INTS9: variants seen among roughly 807,000 people sequenced by gnomAD.
The protein encoded by INTS9 is protein related to CPSF subunits of 74 kDa.
Under a neutral mutation model 79.7 loss-of-function variants are expected in INTS9, and 55 were observed. That is an observed-to-expected ratio of 0.69 (90% confidence interval 0.56 to 0.86). INTS9 has a LOEUF of 0.86. Ranked by LOEUF, INTS9 falls within the 40% of genes least tolerant of loss-of-function variation. INTS9 has a pLI of 0.00. For synonymous variants in INTS9, 319 were observed against 325.2 expected (o/e 0.98, Z 0.20); for missense variants, 721 against 831.5 (o/e 0.87, Z 1.64).
At chr8:28,768,435 C>T in intron 16 of INTS9, 113 bp from the exon 17 acceptor site, 3 of 970,292 alleles carry the variant, frequency 3.1e-6, no homozygotes, top group Non-Finnish European at 4.9e-6. Context: ...CGTCTCAACA[C>T]AATTCTTCAG....
intron 1 of INTS9, among the ~76,000 whole-genome samples, chr8:28,881,317 C>G (rs1429849758): frequency 7.8e-6 from 1 of 128,398 alleles, no homozygotes; most frequent in Non-Finnish European, 1.7e-5. Flanking sequence ...ATCAGCCCCC[C>G]GCCTGGCCAG....
intron 10 of INTS9, 104 bp from the exon 11 acceptor site, chr8:28,787,993 A>T: frequency 1.6e-6 from 1 of 619,670 alleles, no homozygotes; most frequent in Non-Finnish European, 2.7e-6. Flanking sequence ...AAGTTTATTT[A>T]AAAATTTCCC....
At chr8:28,840,719 A>C in intron 4 of INTS9, among the ~76,000 whole-genome samples, 2 of 144,808 alleles carry the variant, frequency 1.4e-5, no homozygotes, top group African/African-American at 2.6e-5. Flanking sequence ...GCATATTCTC[A>C]CTCATAGGTG....
chr8:28,871,453 G>A (rs1438937681), intron 1 of INTS9, among the ~76,000 whole-genome samples: 1 of 152,140 alleles, frequency 6.6e-6, no homozygotes, highest in Non-Finnish European at 1.5e-5. Flanking sequence ...TGCCCAGGCT[G>A]CAGTGCAGTG....
chr8:28,794,040 TATAAAG>T (rs11280356), intron 9 of INTS9, 53 bp from the exon 10 acceptor site: 230,483 of 1,343,244 alleles, frequency 0.17, 23,333 homozygotes, highest in East Asian at 0.47. Flanking sequence ...AGGGCAGTGT[TATAAAG>T]ATAAACTTGT....
At chr8:28,881,977 G>A (rs1490227434) in intron 1 of INTS9, among the ~76,000 whole-genome samples, 71 of 143,942 alleles carry the variant, frequency 4.9e-4, no homozygotes, top group Middle Eastern at 3.6e-3. Context: ...ATTGGGGATG[G>A]GCCATGATGA....
chr8:28,878,858 T>C (rs182328012), intron 1 of INTS9, among the ~76,000 whole-genome samples: 4 of 151,758 alleles, frequency 2.6e-5, no homozygotes, highest in Non-Finnish European at 5.9e-5. Flanking sequence ...CAGGTACCTG[T>C]AGTACCAGCT....
intron 8 of INTS9, among the ~76,000 whole-genome samples, chr8:28,811,370 C>T (rs1306025490): frequency 5.9e-5 from 9 of 151,954 alleles, no homozygotes; most frequent in Non-Finnish European, 1.2e-4. Context: ...GTGATCCACT[C>T]GCCTTGGCTT....
At chr8:28,775,958 G>A (rs1802850533) in intron 13 of INTS9, 32 bp from the exon 14 acceptor site, 2 of 1,512,162 alleles carry the variant, frequency 1.3e-6, no homozygotes, top group Non-Finnish European at 1.8e-6. Context: ...TGAGAAAGGT[G>A]GTGTGAAGTA....
intron 8 of INTS9, among the ~76,000 whole-genome samples, chr8:28,800,869 G>C (rs890836247): frequency 6.6e-6 from 1 of 152,184 alleles, no homozygotes; most frequent in Non-Finnish European, 1.5e-5. Context: ...TCTGAGAGAA[G>C]GAAATATTCT....
At chr8:28,811,724 A>G (rs1021225578) in intron 8 of INTS9, among the ~76,000 whole-genome samples, 1 of 152,124 alleles carries the variant, frequency 6.6e-6, no homozygotes, top group Admixed American at 6.6e-5. Flanking sequence ...CCCAGCCGAC[A>G]TGGTTTATCT....
intron 6 of INTS9, among the ~76,000 whole-genome samples, chr8:28,819,405 T>C (rs1563273522): frequency 1.3e-5 from 2 of 152,346 alleles, no homozygotes; most frequent in African/African-American, 4.8e-5. Context: ...TTCATTTCAT[T>C]ATGTACCCAG....
At chr8:28,811,847 T>A (rs1478611050) in intron 8 of INTS9, among the ~76,000 whole-genome samples, 1 of 152,310 alleles carries the variant, frequency 6.6e-6, no homozygotes, top group African/African-American at 2.4e-5. Context: ...AGTACTTGTA[T>A]CTCAATCGGA....
At chr8:28,824,916 TA>T (rs1806059282) in intron 6 of INTS9, among the ~76,000 whole-genome samples, 2 of 152,230 alleles carry the variant, frequency 1.3e-5, no homozygotes, top group Non-Finnish European at 2.9e-5. Context: ...ATATATAATA[TA>T]ATGCATGTGA....
chr8:28,834,966 C>T (rs750431053), intron 6 of INTS9, among the ~76,000 whole-genome samples: 95 of 152,096 alleles, frequency 6.2e-4, no homozygotes, highest in Admixed American at 5.6e-3. Flanking sequence ...CGTGAGTCAC[C>T]GCGCCTAGCT....
In INTS9 at chr8:28,780,849, G is replaced by C; in HGVS notation, c.1244C>G (p.Ser415Cys). Residue 415 changes from serine to cysteine, a missense_variant, in exon 12 of 17, where the codon TCT becomes TGT. This residue lies in a region of INTS9 where 149 missense variants were observed against 223.7 expected (regional missense o/e 0.67). Transcript: ENST00000521022. Reference sequence around the variant, plus strand: ...CGTGAATATGACGGTATTGAGACTAGATTTTCCCCAGAGCTCCATGAAGTG... The same window carrying C: ...CGTGAATATGACGGTATTGAGACTACATTTTCCCCAGAGCTCCATGAAGTG... The part of the protein sequence containing the change: ...VVHFMELWGK[S>C]SLNTVIFTEP... 6.2e-7 allele frequency: 1 copy of C among 1,614,116 alleles called. No individual in the cohort carries two copies. Among genetic ancestry groups the C allele is most frequent in the Non-Finnish European group, 8.5e-7 (1 of 1,180,018 alleles).
chr8:28,888,716 C>T (rs375969607), intron 1 of INTS9, among the ~76,000 whole-genome samples: 3 of 152,144 alleles, frequency 2.0e-5, no homozygotes, highest in East Asian at 3.8e-4. Context: ...GCATCCTTCC[C>T]CTTATATAAA....
At chr8:28,847,690 C>G (rs1807605932) in intron 3 of INTS9, among the ~76,000 whole-genome samples, 1 of 152,210 alleles carries the variant, frequency 6.6e-6, no homozygotes, top group African/African-American at 2.4e-5. Flanking sequence ...ATAAACCTGT[C>G]TTTCCCCCAC....
At chr8:28,842,494 G>A (rs1450424340) in intron 4 of INTS9, among the ~76,000 whole-genome samples, 2 of 152,190 alleles carry the variant, frequency 1.3e-5, no homozygotes, top group East Asian at 3.8e-4. Flanking sequence ...CTGCCAGACT[G>A]TCTAATGTCA....
Sources: allele counts gnomAD v4.1 joint callset (sites outside exome capture counted in the v4.1 genomes callset), GRCh38; gene constraint gnomAD v4.1.1; regional missense constraint gnomAD v4.1.1; transcripts MANE v1.5; gene names NCBI Gene and HGNC (gene_info 2026-07-23, HGNC 2026-07-21).